PCMTD1: variants seen among roughly 807,000 people sequenced by gnomAD.
PCMTD1 encodes protein-L-isoaspartate O-methyltransferase domain-containing protein 1.
PCMTD1 carries 12 observed loss-of-function variants against 37.6 expected under a neutral mutation model. That is an observed-to-expected ratio of 0.32 (90% CI 0.20 to 0.52). The LOEUF is 0.52. PCMTD1 is among the 20% of genes least tolerant of loss of function. The pLI is 0.97. For synonymous variants in PCMTD1, 117 were observed against 135.8 expected, an observed-to-expected ratio of 0.86 and a Z score of 0.96; for missense variants, 235 against 421.3, an observed-to-expected ratio of 0.56 and a Z score of 3.87.
At position 51,818,409 on chromosome 8, in the gene PCMTD1, C is replaced by CAAAAAAAAAAAAAAAAAAA. The variant is rs35041148; in HGVS notation, c.*1941_*1942insTTTTTTTTTTTTTTTTTTT. 1 of 138,066 alleles carries CAAAAAAAAAAAAAAAAAAA rather than the reference C, an allele frequency of 7.2e-6. No homozygotes were observed. The highest frequency in any genetic ancestry group is 1.6e-5 in the Non-Finnish European group (1 of 63,810). 8.6% of individuals were successfully genotyped at this position (138,066 alleles called of 1,614,324 possible). A position where few individuals can be genotyped will look rare whatever the true frequency, so the allele number is the denominator to read the frequency against. ...GCATCATCTAAACAGCAGCTCCAACCAAAAAAAAAAAAAAAAACAAGCAGG... is the reference window on the plus strand; with the variant it reads ...GCATCATCTAAACAGCAGCTCCAACCAAAAAAAAAAAAAAAAAAAAAAAAAAAAAAAAAAAACAAGCAGG... On this transcript the variant is annotated 3_prime_UTR_variant, in exon 6 of 6. Coordinates refer to ENST00000522514, the MANE Select transcript of PCMTD1 (RefSeq NM_052937.4).
At chr8:51,884,382 G>A (rs1378628284) in intron 1 of PCMTD1, among the ~76,000 whole-genome samples, 1 of 152,162 alleles carries the variant, frequency 6.6e-6, no homozygotes, top group East Asian at 1.9e-4. Flanking sequence ...ACAAAAGCAG[G>A]AATTGGCCTC....
chr8:51,875,119 T>C (rs2038692916), intron 1 of PCMTD1, among the ~76,000 whole-genome samples: 1 of 152,196 alleles, frequency 6.6e-6, no homozygotes, highest in Non-Finnish European at 1.5e-5. Context: ...TAAGTAAACA[T>C]AATGCTTCTT....
chr8:51,860,646 C>A, intron 2 of PCMTD1, 199 bp downstream of exon 2: 1 of 499,374 alleles, frequency 2.0e-6, no homozygotes, highest in South Asian at 3.3e-5. Flanking sequence ...GTTTCCAGAG[C>A]TACTGTAGGT....
At chr8:51,831,975 GATATTAATGGA>G (rs2129275958) in intron 4 of PCMTD1, among the ~76,000 whole-genome samples, 1 of 152,260 alleles carries the variant, frequency 6.6e-6, no homozygotes, top group Admixed American at 6.5e-5. Context: ...GCTCTTCCAT[GATATTAATGGA>G]ATATAGATTC....
intron 2 of PCMTD1, among the ~76,000 whole-genome samples, chr8:51,847,967 G>C (rs893947954): frequency 6.6e-6 from 1 of 152,092 alleles, no homozygotes; most frequent in Non-Finnish European, 1.5e-5. Context: ...TGTAATCCCA[G>C]CTACTCGAGA....
chr8:51,867,474 ATGGTGTGTGTG>A (rs1223826336), intron 1 of PCMTD1, among the ~76,000 whole-genome samples: 3 of 133,340 alleles, frequency 2.2e-5, no homozygotes, highest in African/African-American at 9.4e-5. Context: ...GGTAAAGAAA[ATGGTGTGTGTG>A]TGTGTGTGTG....
intron 1 of PCMTD1, among the ~76,000 whole-genome samples, chr8:51,883,472 G>C (rs2038821332): frequency 1.3e-5 from 2 of 152,074 alleles, no homozygotes; most frequent in Admixed American, 6.5e-5. Flanking sequence ...AACACAGGGA[G>C]AGCAAAGAAA....
intron 1 of PCMTD1, among the ~76,000 whole-genome samples, chr8:51,867,264 T>C (rs1280226290): frequency 6.6e-6 from 1 of 152,056 alleles, no homozygotes; most frequent in Non-Finnish European, 1.5e-5. Context: ...AATACAGCTT[T>C]ATGAAAAACA....
intron 5 of PCMTD1, among the ~76,000 whole-genome samples, chr8:51,823,799 A>C (rs1490465487): frequency 6.6e-6 from 1 of 152,196 alleles, no homozygotes; most frequent in African/African-American, 2.4e-5. Context: ...ATCCTCAATA[A>C]AATACTGGCA....
chr8:51,839,213 G>T (rs2038110993), intron 3 of PCMTD1, among the ~76,000 whole-genome samples: 1 of 151,946 alleles, frequency 6.6e-6, no homozygotes, highest in Non-Finnish European at 1.5e-5. Context: ...GTCCTGAAAT[G>T]TGTATAATAA....
At chr8:51,873,928 T>G (rs1216169206) in intron 1 of PCMTD1, among the ~76,000 whole-genome samples, 3 of 151,934 alleles carry the variant, frequency 2.0e-5, no homozygotes, top group Admixed American at 6.6e-5. Flanking sequence ...TTCTTTTTTT[T>G]TTTGAGACAG....
At chr8:51,872,258 G>T (rs1479321032) in intron 1 of PCMTD1, among the ~76,000 whole-genome samples, 2 of 151,868 alleles carry the variant, frequency 1.3e-5, no homozygotes, top group Non-Finnish European at 2.9e-5. Flanking sequence ...ATTACCACAC[G>T]TATCTCCCTA....
intron 4 of PCMTD1, among the ~76,000 whole-genome samples, chr8:51,831,988 T>C (rs1296818786): frequency 2.0e-5 from 3 of 152,236 alleles, no homozygotes; most frequent in African/African-American, 7.2e-5. Context: ...ATTAATGGAA[T>C]ATAGATTCTA....
intron 5 of PCMTD1, among the ~76,000 whole-genome samples, chr8:51,823,814 G>A (rs562335774): frequency 2.0e-5 from 3 of 152,210 alleles, no homozygotes; most frequent in East Asian, 1.9e-4. Flanking sequence ...CTGGCAAACC[G>A]AATCCAGCAG....
intron 1 of PCMTD1, among the ~76,000 whole-genome samples, chr8:51,888,470 CAGT>C (rs2038894164): frequency 6.6e-6 from 1 of 152,116 alleles, no homozygotes. Context: ...AATGCTCCCA[CAGT>C]AGAAGGCACT....
At chr8:51,823,360 A>T (rs1411060287) in intron 5 of PCMTD1, among the ~76,000 whole-genome samples, 1 of 152,192 alleles carries the variant, frequency 6.6e-6, no homozygotes, top group Non-Finnish European at 1.5e-5. Context: ...GCTAGTCAGT[A>T]GGCTGAGATG....
At chr8:51,883,913 C>G (rs2038827960) in intron 1 of PCMTD1, among the ~76,000 whole-genome samples, 1 of 152,122 alleles carries the variant, frequency 6.6e-6, no homozygotes, top group Non-Finnish European at 1.5e-5. Context: ...AAAATAGGCA[C>G]TTTGATATTT....
intron 5 of PCMTD1, among the ~76,000 whole-genome samples, chr8:51,829,626 C>T (rs2037971374): frequency 6.6e-6 from 1 of 151,972 alleles, no homozygotes; most frequent in Admixed American, 6.6e-5. Flanking sequence ...AAAAACTAGC[C>T]GAGCATGGTG....
intron 1 of PCMTD1, among the ~76,000 whole-genome samples, chr8:51,881,084 G>C (rs148841095): frequency 6.6e-6 from 1 of 152,032 alleles, no homozygotes; most frequent in Non-Finnish European, 1.5e-5. Context: ...TCAACCCCAC[G>C]AACACTGCTT....
Sources: allele counts gnomAD v4.1 joint callset (sites outside exome capture counted in the v4.1 genomes callset), GRCh38; gene constraint gnomAD v4.1.1; transcripts MANE v1.5; gene names NCBI Gene and HGNC (gene_info 2026-07-23, HGNC 2026-07-21).